LAMA3: variants seen among roughly 807,000 people sequenced by gnomAD.
LAMA3 encodes laminin subunit alpha 3.
In LAMA3, 281 loss-of-function variants were observed where a neutral mutation model predicts 402.0. The ratio of observed to expected loss-of-function variants is 0.70; its 90% confidence interval spans 0.63 to 0.77. The LOEUF (loss-of-function observed/expected upper bound fraction) is 0.77, where lower values mean the gene tolerates loss of function less well. Ranked by LOEUF, LAMA3 falls within the 30% of genes least tolerant of loss-of-function variation. The pLI is 0.00. For missense variants in LAMA3, 3,840 were observed against 4,215.5 expected, an observed-to-expected ratio of 0.91 and a Z score of 2.47; for synonymous variants, 1,431 against 1,558.4, an observed-to-expected ratio of 0.92 and a Z score of 1.93.
rs549364386 is a variant in LAMA3 at position 23,736,629 on chromosome 18, G to A, written c.448-11314G>A. The stretch of plus-strand genomic sequence containing the variant: ...CAACTAGTCCCATGTAGTTATAAAA[G>A]CTTTAATATTTCACATTTGCAAGAT... On this transcript the variant is annotated intron_variant, in intron 2 of 74. Coordinates refer to ENST00000313654, the MANE Select transcript of LAMA3 (RefSeq NM_198129.4). Among the ~76,000 whole-genome samples the A allele has an allele frequency of 9.2e-5, 14 of 152,164 alleles. No individual in the cohort carries two copies. The East Asian group carries it at 2.1e-3, about 23-fold the overall frequency.
intron 1 of LAMA3, among the ~76,000 whole-genome samples, chr18:23,707,597 A>G (rs2060913678): frequency 6.6e-6 from 1 of 152,206 alleles, no homozygotes; most frequent in South Asian, 2.1e-4. Flanking sequence ...AATATCTTCT[A>G]GTTTTAACTT....
chr18:23,932,596 A>G, intron 66 of LAMA3: 1 of 357,538 alleles, frequency 2.8e-6, no homozygotes, highest in Non-Finnish European at 5.4e-6. Context: ...ATTATAATCA[A>G]GATTGTGCAA....
chr18:23,812,115 T>C (rs1248171805), intron 13 of LAMA3, among the ~76,000 whole-genome samples: 1 of 151,952 alleles, frequency 6.6e-6, no homozygotes, highest in Non-Finnish European at 1.5e-5. Flanking sequence ...CCTCGTGATT[T>C]GCCCGCCTTG....
At chr18:23,870,809 A>T (rs1384684338) in intron 37 of LAMA3, among the ~76,000 whole-genome samples, 1 of 152,192 alleles carries the variant, frequency 6.6e-6, no homozygotes, top group African/African-American at 2.4e-5. Flanking sequence ...CAGAAATTAG[A>T]ATAGTGGTGC....
At chr18:23,742,936 G>A (rs2061588141) in intron 2 of LAMA3, among the ~76,000 whole-genome samples, 1 of 152,098 alleles carries the variant, frequency 6.6e-6, no homozygotes, top group Non-Finnish European at 1.5e-5. Flanking sequence ...TAGTTGAGTA[G>A]GAAGCTTATT....
At chr18:23,893,099 T>G (rs143536706) in intron 42 of LAMA3, among the ~76,000 whole-genome samples, 13 of 152,262 alleles carry the variant, frequency 8.5e-5, no homozygotes, top group Middle Eastern at 6.8e-3. Context: ...TTTTTACAAT[T>G]AAAAGTAAAT....
At chr18:23,782,854 C>G (rs1305796803) in intron 11 of LAMA3, among the ~76,000 whole-genome samples, 1 of 148,314 alleles carries the variant, frequency 6.7e-6, no homozygotes, top group Non-Finnish European at 1.5e-5. Context: ...TCTTGTTTGA[C>G]TTCATTATTA....
At chr18:23,719,457 GT>G (rs1174125281) in intron 2 of LAMA3, among the ~76,000 whole-genome samples, 5 of 152,128 alleles carry the variant, frequency 3.3e-5, no homozygotes, top group Admixed American at 2.6e-4. Context: ...TTCAGAAATT[GT>G]TTCTAAAGCT....
chr18:23,920,877 T>C, intron 60 of LAMA3, 58 bp from the exon 61 acceptor site: 2 of 1,608,716 alleles, frequency 1.2e-6, no homozygotes, highest in Admixed American at 3.3e-5. Flanking sequence ...GGAGTTCCAG[T>C]GCTCTGCCTC....
intron 1 of LAMA3, among the ~76,000 whole-genome samples, chr18:23,695,662 G>A (rs926221638): frequency 2.0e-5 from 3 of 151,616 alleles, no homozygotes; most frequent in Non-Finnish European, 2.9e-5. Context: ...GCTGGGCATG[G>A]TGGCGTGTGC....
At chr18:23,939,419 T>C (rs1174666745) in intron 68 of LAMA3, 33 bp downstream of exon 68, 3 of 1,609,832 alleles carry the variant, frequency 1.9e-6, no homozygotes, top group Non-Finnish European at 2.5e-6. Flanking sequence ...CAGCACCAGC[T>C]CAGAACCTGA....
intron 41 of LAMA3, among the ~76,000 whole-genome samples, chr18:23,889,281 A>G (rs948481): frequency 0.16 from 24,325 of 152,000 alleles, 4,366 homozygotes; most frequent in African/African-American, 0.43. Context: ...TAAAAAATTA[A>G]CCAGGCCTGG....
rs1308015339 is a variant in LAMA3, at chr18:23,826,701, G to A, written c.2572-1G>A. 3 of 1,551,476 alleles carry A rather than the reference G, an allele frequency of 1.9e-6. No individual in the cohort carries two copies. The highest frequency in any genetic ancestry group is 1.7e-4 in the Middle Eastern group (1 of 5,986). ...TTCTCCTTTTGGTCTTTATTTTCTA[G>A]GATTACCTGGTGCTGCTCCCCAGGG... is the stretch of plus-strand genomic sequence containing the variant. On this transcript the variant is annotated splice_acceptor_variant, in intron 21 of 74. Coordinates refer to ENST00000313654, the MANE Select transcript of LAMA3 (RefSeq NM_198129.4). LOFTEE classifies it high-confidence loss of function.
At chr18:23,942,529 T>A (rs1485190741) in intron 68 of LAMA3, among the ~76,000 whole-genome samples, 3 of 151,896 alleles carry the variant, frequency 2.0e-5, no homozygotes, top group Non-Finnish European at 2.9e-5. Context: ...CTTAGCTGGA[T>A]GTGCATAGAA....
rs1424496162 is a variant in LAMA3, at chr18:23,899,346, C to G, written c.5895C>G (p.Asp1965Glu). Residue 1965 changes from aspartate to glutamate, a missense_variant, in exon 47 of 75, where the codon GAC becomes GAG. Asp to Glu is a conservative substitution (Grantham distance 45). Around this residue, in one of 3 missense-constraint regions of LAMA3, gnomAD observed 891 missense variants for 857.5 expected, o/e 1.04. Transcript: ENST00000313654. ...DGEGNNVPSG[D>E]FSREWAEAQR... ...AGGGAAACAACGTGCCTTCAGGTGACTTTTCCAGAGAGTGGGCTGAAGCCC... is the reference window on the plus strand; with the variant it reads ...AGGGAAACAACGTGCCTTCAGGTGAGTTTTCCAGAGAGTGGGCTGAAGCCC... 6.2e-7 allele frequency: 1 copy of G among 1,614,032 alleles called. No homozygotes were observed. Among genetic ancestry groups the G allele is most frequent in the Non-Finnish European group, 8.5e-7 (1 of 1,180,012 alleles).
In LAMA3 at chr18:23,946,245, G is replaced by A. The variant is rs759662848; in HGVS notation, c.9312G>A (p.Ala3104=). The change falls in exon 70 of 75, where the codon GCG becomes GCA. Residue 3104 remains alanine, a synonymous_variant. Transcript: ENST00000313654. The stretch of plus-strand genomic sequence containing the variant: ...GAAACTCCACCATCAGCATCAGAGC[G>A]CCAGTTTACCTGGGATCACCTCCAT... ...LPGNSTISIR[A]PVYLGSPPSG... 1.3e-5 allele frequency: 21 copies of A among 1,613,976 alleles called. No homozygotes were observed. Among genetic ancestry groups the A allele is most frequent in the Admixed American group, 1.2e-4 (7 of 59,994 alleles).
intron 41 of LAMA3, among the ~76,000 whole-genome samples, chr18:23,887,855 A>G (rs1483386593): frequency 6.6e-6 from 1 of 152,218 alleles, no homozygotes; most frequent in Non-Finnish European, 1.5e-5. Flanking sequence ...TTGTTGTACC[A>G]ATGTCATTCG....
chr18:23,866,358 G>A (rs543279933), intron 36 of LAMA3, among the ~76,000 whole-genome samples: 1 of 152,304 alleles, frequency 6.6e-6, no homozygotes, highest in Admixed American at 6.5e-5. Context: ...ACTGTATACA[G>A]GGACCAGCAA....
chr18:23,690,467 A>G (rs749342576), intron 1 of LAMA3, among the ~76,000 whole-genome samples: 1 of 152,240 alleles, frequency 6.6e-6, no homozygotes, highest in Non-Finnish European at 1.5e-5. Context: ...TACTGAAAAG[A>G]TTCACTTCAC....
Sources: allele counts gnomAD v4.1 joint callset (sites outside exome capture counted in the v4.1 genomes callset), GRCh38; gene constraint gnomAD v4.1.1; regional missense constraint gnomAD v4.1.1; transcripts MANE v1.5; gene names NCBI Gene and HGNC (gene_info 2026-07-23, HGNC 2026-07-21).